ZNRF1: variants seen among roughly 807,000 people sequenced by gnomAD.
ZNRF1 encodes the protein E3 ubiquitin-protein ligase ZNRF1.
A neutral mutation model predicts 18.4 loss-of-function variants in ZNRF1; 3 were observed. The ratio of observed to expected loss-of-function variants is 0.16; its 90% confidence interval spans 0.07 to 0.42. The LOEUF (loss-of-function observed/expected upper bound fraction) is 0.42. Among genes scored for constraint, ZNRF1 ranks in the 10% least tolerant of loss-of-function variants. The pLI is 0.99. For missense variants in ZNRF1, 310 were observed against 329.8 expected (o/e 0.94, Z 0.47); for synonymous variants, 157 against 144.2 (o/e 1.09, Z -0.64).
intron 1 of ZNRF1, among the ~76,000 whole-genome samples, chr16:75,047,599 T>C (rs527974696): frequency 9.8e-5 from 15 of 152,360 alleles, no homozygotes; most frequent in Non-Finnish European, 1.9e-4. Flanking sequence ...CTGTTGACTT[T>C]TGTGTGTGTA....
chr16:75,058,122 T>A (rs1205198070), intron 1 of ZNRF1, among the ~76,000 whole-genome samples: 28 of 118,988 alleles, frequency 2.4e-4, no homozygotes, highest in East Asian at 9.3e-4. Context: ...TTTTTTTTTT[T>A]AAATATTTTA....
intron 1 of ZNRF1, among the ~76,000 whole-genome samples, chr16:75,073,572 A>C (rs1019593825): frequency 2.0e-5 from 3 of 152,128 alleles, no homozygotes; most frequent in African/African-American, 4.8e-5. Flanking sequence ...AGTTGTGTGC[A>C]TGTGTTTTTA....
chr16:75,034,069 A>T (rs963960581), intron 1 of ZNRF1, among the ~76,000 whole-genome samples: 12 of 151,910 alleles, frequency 7.9e-5, no homozygotes, highest in Non-Finnish European at 2.9e-5. Flanking sequence ...GAGCCAGGAG[A>T]ATTGCTTGAA....
At chr16:75,081,120 C>G (rs1163461615) in intron 1 of ZNRF1, among the ~76,000 whole-genome samples, 1 of 152,086 alleles carries the variant, frequency 6.6e-6, no homozygotes. Flanking sequence ...TTGCAGTGAG[C>G]CGAGATCACG....
At chr16:75,070,695 C>T (rs976100294) in intron 1 of ZNRF1, among the ~76,000 whole-genome samples, 1 of 152,136 alleles carries the variant, frequency 6.6e-6, no homozygotes, top group Non-Finnish European at 1.5e-5. Flanking sequence ...GTTGCAGCTC[C>T]CATGGAGGTA....
chr16:75,046,046 GCA>G (rs1490290567), intron 1 of ZNRF1, among the ~76,000 whole-genome samples: 1 of 151,456 alleles, frequency 6.6e-6, no homozygotes, highest in Non-Finnish European at 1.5e-5. Context: ...GGGATTACAG[GCA>G]CGCACCACCA....
Position 74,999,776 on chromosome 16 carries a change from G to A in ZNRF1, c.105G>A (p.Gly35=), listed in dbSNP as rs1301776221. The A allele has an allele frequency of 1.4e-6, 2 of 1,401,790 alleles. No individual in the cohort carries two copies. Among genetic ancestry groups the A allele is most frequent in the African/African-American group, 3.1e-5 (2 of 65,332 alleles). The allele number at this position is 1,401,790 out of a possible 1,614,324, so 86.8% of individuals were successfully genotyped here. Residue 35 remains glycine, a synonymous_variant, in exon 1 of 5, where the codon GGG becomes GGA. Transcript: ENST00000335325. The stretch of plus-strand genomic sequence containing the variant: ...CGCCGGGAGGGGCGCCCCATTTCGG[G>A]CACTACCGGACGGGCGGCGGGGCCA... The part of the protein sequence containing the change: ...VPPPGGAPHF[G]HYRTGGGAMG...
chr16:75,086,790 A>G (rs2036080178), intron 1 of ZNRF1, among the ~76,000 whole-genome samples: 1 of 152,222 alleles, frequency 6.6e-6, no homozygotes, highest in African/African-American at 2.4e-5. Context: ...TCCTCAGCCA[A>G]GAGTTACCCT....
intron 1 of ZNRF1, among the ~76,000 whole-genome samples, chr16:75,010,458 C>T (rs975661312): frequency 6.6e-5 from 10 of 152,276 alleles, no homozygotes; most frequent in African/African-American, 2.4e-4. Context: ...CGAATTGTCT[C>T]ATGCCAAGAG....
In ZNRF1 at chr16:75,000,044, G is replaced by T. The variant is rs1054248270; in HGVS notation, c.373G>T (p.Ala125Ser). Residue 125 changes from alanine to serine, a missense_variant, in exon 1 of 5, where the codon GCG (alanine) becomes TCG (serine). Around this residue, in one of 2 missense-constraint regions of ZNRF1, gnomAD observed 293 missense variants for 291.2 expected, o/e 1.01. Transcript: ENST00000335325. ...GTACCTGGGCTCCCGAGCCTCGCTG[G>T]CGGATGCTCTACCTCTGCACATCGC... Reference protein sequence around the residue: ...MLYLGSRASLADALPLHIAPR... With the variant: ...MLYLGSRASLSDALPLHIAPR... The T allele has an allele frequency of 1.3e-6, 2 of 1,599,722 alleles. No individual in the cohort carries two copies. The highest frequency in any genetic ancestry group is 8.5e-7 in the Non-Finnish European group (1 of 1,174,456).
At chr16:75,095,019 C>CTCTT (rs1443746153) in intron 2 of ZNRF1, 1 of 152,250 alleles carries the variant, frequency 6.6e-6, no homozygotes, top group East Asian at 1.9e-4. Context: ...TCCCAGAGGG[C>CTCTT]TCTTTCCCCT....
Position 75,094,498 on chromosome 16 carries a change from T to C in ZNRF1, c.520+831T>C, listed in dbSNP as rs145391860. 1.4e-4 allele frequency among the ~76,000 whole-genome samples: 21 copies of C among 152,344 alleles called. 1 individual carries two copies. Among genetic ancestry groups the C allele is most frequent in the Admixed American group, 1.2e-3 (18 of 15,304 alleles). ...CTACCACTCTGTGTCTACAATCTTA[T>C]ACAAGTTGCTCAGCTTAGCGGAGCC... On this transcript the variant is annotated intron_variant, in intron 2 of 4. Coordinates refer to ENST00000335325, the MANE Select transcript of ZNRF1 (RefSeq NM_032268.5).
intron 1 of ZNRF1, among the ~76,000 whole-genome samples, chr16:75,081,053 G>T (rs1210595508): frequency 6.6e-6 from 1 of 152,030 alleles, no homozygotes; most frequent in Non-Finnish European, 1.5e-5. Context: ...CGCGCCTGTA[G>T]TTCCAGCTAC....
chr16:75,083,772 G>A (rs2036042346), intron 1 of ZNRF1, among the ~76,000 whole-genome samples: 1 of 152,146 alleles, frequency 6.6e-6, no homozygotes, highest in Non-Finnish European at 1.5e-5. Context: ...TAGAAAGGCT[G>A]CACTCCAGAG....
chr16:75,039,085 C>A (rs1413249768), intron 1 of ZNRF1, among the ~76,000 whole-genome samples: 1 of 152,194 alleles, frequency 6.6e-6, no homozygotes, highest in African/African-American at 2.4e-5. Flanking sequence ...CTGCTGTTCT[C>A]AGTGCCTATC....
At chr16:75,009,019 G>C (rs9937886) in intron 1 of ZNRF1, among the ~76,000 whole-genome samples, 3,450 of 152,234 alleles carry the variant, frequency 0.023, 116 homozygotes, top group African/African-American at 0.072. Flanking sequence ...CTGATTTTCA[G>C]ACTCTTCATG....
chr16:75,043,739 G>C (rs1407104200), intron 1 of ZNRF1, among the ~76,000 whole-genome samples: 1 of 146,500 alleles, frequency 6.8e-6, no homozygotes, highest in South Asian at 2.2e-4. Flanking sequence ...TGGAGTACTG[G>C]TTTTCCACGA....
At chr16:75,102,749 G>C (rs1173684323) in intron 2 of ZNRF1, among the ~76,000 whole-genome samples, 1 of 152,164 alleles carries the variant, frequency 6.6e-6, no homozygotes, top group Non-Finnish European at 1.5e-5. Context: ...CCTCCTGGAG[G>C]TCTCCATCAG....
intron 2 of ZNRF1, among the ~76,000 whole-genome samples, chr16:75,103,137 G>T (rs2036272283): frequency 6.6e-6 from 1 of 152,178 alleles, no homozygotes; most frequent in Non-Finnish European, 1.5e-5. Context: ...CTGCTAGTCT[G>T]TGAGCTGCTT....
Sources: gnomAD v4.1 joint callset for allele counts (sites outside exome capture counted in the v4.1 genomes callset) on GRCh38, gnomAD v4.1.1 for gene constraint, gnomAD v4.1.1 regional missense constraint, MANE v1.5 for transcripts, NCBI Gene and HGNC (gene_info 2026-07-23, HGNC 2026-07-21) for gene names.